Variants in BPI observed in about 807,000 individuals in gnomAD.
BPI encodes bactericidal permeability-increasing protein.
Under a neutral mutation model 57.6 loss-of-function variants are expected in BPI, and 48 were observed. That is an observed-to-expected ratio of 0.83 (90% CI 0.66 to 1.06). The LOEUF (loss-of-function observed/expected upper bound fraction) is 1.06, where lower values mean the gene tolerates loss of function less well. Ranked by LOEUF, BPI falls within the 50% of genes least tolerant of loss-of-function variation. The pLI is 0.00. For missense variants in BPI, 651 were observed against 609.7 expected (o/e 1.07, Z -0.71); for synonymous variants, 237 against 238.2 (o/e 0.99, Z 0.05).
chr20:38,335,514 G>A, intron 13 of BPI, 84 bp from the exon 14 acceptor site: 2 of 1,278,304 alleles, frequency 1.6e-6, no homozygotes, highest in East Asian at 4.6e-5. Context: ...CAGGGAGGCT[G>A]TCTACCCAGG....
rs562474273 is a variant in BPI at position 38,307,014 on chromosome 20, T to C, written c.131-553T>C. 2.0e-5 allele frequency among the ~76,000 whole-genome samples: 3 copies of C among 151,988 alleles called. No individual in the cohort carries two copies. The East Asian group carries it at 5.8e-4, about 29-fold the overall frequency. On this transcript the variant is annotated intron_variant, in intron 1 of 14. Coordinates refer to ENST00000642449, the MANE Select transcript of BPI (RefSeq NM_001725.3). ...CTGGGCAACATGGTGAAACCCCAGATCTCTGCAAAAATGTTAAAAAAAAAT... is the reference window on the plus strand; with the variant it reads ...CTGGGCAACATGGTGAAACCCCAGACCTCTGCAAAAATGTTAAAAAAAAAT...
In BPI at chr20:38,327,658, A is replaced by T; in HGVS notation, c.1229+3A>T. On this transcript the variant is annotated splice_donor_region_variant and intron_variant, in intron 11 of 14. Transcript: ENST00000642449. The stretch of plus-strand genomic sequence containing the variant: ...GTTGGAGAGCTCAAGCTGGATAGGT[A>T]AGTGGGCCTGTGAGAGGAGGAGGGG... The T allele has an allele frequency of 6.2e-7, 1 of 1,613,414 alleles. No individual in the cohort carries two copies.
intron 4 of BPI, among the ~76,000 whole-genome samples, chr20:38,311,387 G>T (rs1338078023): frequency 6.6e-6 from 1 of 152,214 alleles, no homozygotes; most frequent in African/African-American, 2.4e-5. Flanking sequence ...AGAAAAAGAG[G>T]TACAAACTTC....
chr20:38,334,535 G>A (rs780403991), intron 13 of BPI, 42 bp downstream of exon 13: 2 of 1,587,430 alleles, frequency 1.3e-6, no homozygotes, highest in Non-Finnish European at 1.7e-6. Context: ...AGTCATGGGG[G>A]AAGAGGGTGG....
chr20:38,325,056 G>T (rs959608320), intron 9 of BPI, among the ~76,000 whole-genome samples: 2 of 152,134 alleles, frequency 1.3e-5, no homozygotes, highest in Non-Finnish European at 2.9e-5. Flanking sequence ...GTGGAGGGAG[G>T]GTCTTTCATG....
chr20:38,328,935 G>A (rs1279057828), intron 11 of BPI, among the ~76,000 whole-genome samples: 1 of 152,128 alleles, frequency 6.6e-6, no homozygotes, highest in Admixed American at 6.5e-5. Context: ...GAGCCTGGCA[G>A]GTCAAGGCTG....
At chr20:38,328,988 A>G (rs1006076429) in intron 11 of BPI, among the ~76,000 whole-genome samples, 3 of 150,516 alleles carry the variant, frequency 2.0e-5, no homozygotes, top group Non-Finnish European at 4.4e-5. Context: ...CTTGGGCAAC[A>G]GAGCAAGACC....
intron 6 of BPI, 59 bp downstream of exon 6, chr20:38,318,535 G>A (rs1209356981): frequency 3.2e-5 from 51 of 1,572,018 alleles, no homozygotes; most frequent in South Asian, 3.1e-4. Context: ...GGGTGAGGAC[G>A]TCAGGGTGGA....
intron 10 of BPI, 154 bp downstream of exon 10, chr20:38,326,586 C>T (rs934317372): frequency 3.3e-6 from 3 of 900,202 alleles, no homozygotes; most frequent in Non-Finnish European, 4.7e-6. Flanking sequence ...TCAATGGTGC[C>T]GACTCCTGGA....
chr20:38,311,197 T>C (rs546174001), intron 4 of BPI, among the ~76,000 whole-genome samples: 1 of 152,342 alleles, frequency 6.6e-6, no homozygotes, highest in South Asian at 2.1e-4. Flanking sequence ...CATGGAGAGA[T>C]AGGCAATAAC....
At chr20:38,317,045 T>C (rs2076655695) in intron 5 of BPI, among the ~76,000 whole-genome samples, 1 of 151,232 alleles carries the variant, frequency 6.6e-6, no homozygotes, top group Non-Finnish European at 1.5e-5. Context: ...CTAGAAGGAG[T>C]GTTTCTAGAA....
chr20:38,314,467 GGAT>G (rs1435352201), intron 5 of BPI, among the ~76,000 whole-genome samples: 1 of 114,940 alleles, frequency 8.7e-6, no homozygotes, highest in East Asian at 3.1e-4. Flanking sequence ...GTGATGGTGG[GGAT>G]GATGATAATG....
intron 5 of BPI, among the ~76,000 whole-genome samples, chr20:38,317,230 T>C (rs1338043061): frequency 1.3e-5 from 2 of 152,188 alleles, no homozygotes; most frequent in Non-Finnish European, 2.9e-5. Flanking sequence ...AGCCTGTGGT[T>C]TAAATCCTAT....
chr20:38,305,690 G>A (rs1012258664), intron 1 of BPI, among the ~76,000 whole-genome samples: 12 of 152,082 alleles, frequency 7.9e-5, no homozygotes, highest in African/African-American at 1.9e-4. Context: ...CCCCTTGTCC[G>A]CTGTGTGGCC....
intron 5 of BPI, among the ~76,000 whole-genome samples, chr20:38,315,835 CTTTTT>C (rs374398594): frequency 1.5e-5 from 2 of 132,252 alleles, no homozygotes; most frequent in African/African-American, 5.6e-5. Flanking sequence ...CTTTTCTTTT[CTTTTT>C]TTTTTTTTTG....
chr20:38,333,725 TCCA>T (rs2076753457), intron 12 of BPI, among the ~76,000 whole-genome samples: 1 of 149,118 alleles, frequency 6.7e-6, no homozygotes, highest in Admixed American at 6.7e-5. Context: ...ATTACCATTT[TCCA>T]CCAAGTGATT....
chr20:38,307,593 C>T lies in BPI; in HGVS notation c.157C>T (p.Gln53Ter), dbSNP rs1479547812. 2 of 1,609,622 alleles carry T rather than the reference C, an allele frequency of 1.2e-6. No individual in the cohort carries two copies. Among genetic ancestry groups the T allele is most frequent in the Non-Finnish European group, 1.7e-6 (2 of 1,178,344 alleles). The change falls in exon 2 of 15, where the codon CAG becomes TAG. Residue 53 changes from glutamine to a stop codon, truncating the protein, a stop_gained. Coordinates refer to ENST00000642449, the MANE Select transcript of BPI (RefSeq NM_001725.3). LOFTEE classifies it high-confidence loss of function. ...CAGCCAGCAGGGGACGGCCGCTCTG[C>T]AGAAGGAGCTGAAGAGGATCAAGAT... ...YASQQGTAALQKELKRIKIPD... is the reference protein window; with the variant it reads ...YASQQGTAAL
At chr20:38,331,138 CG>C in intron 12 of BPI, 48 bp downstream of exon 12, 1 of 1,584,582 alleles carries the variant, frequency 6.3e-7, no homozygotes, top group Non-Finnish European at 8.7e-7. Flanking sequence ...GACCTGGCGG[CG>C]GGGAGGGGGA....
At chr20:38,324,585 T>C (rs2076702641) in intron 8 of BPI, among the ~76,000 whole-genome samples, 189 bp from the exon 9 acceptor site, 1 of 152,160 alleles carries the variant, frequency 6.6e-6, no homozygotes, top group Non-Finnish European at 1.5e-5. Flanking sequence ...CTGGGCCAAC[T>C]GCTGCAGAAG....
Sources: allele counts gnomAD v4.1 joint callset (sites outside exome capture counted in the v4.1 genomes callset), GRCh38; gene constraint gnomAD v4.1.1; transcripts MANE v1.5; gene names NCBI Gene and HGNC (gene_info 2026-07-23, HGNC 2026-07-21).